SDK1: variants seen among roughly 807,000 people sequenced by gnomAD.
The protein encoded by SDK1 is protein sidekick-1.
A neutral mutation model predicts 245.5 loss-of-function variants in SDK1; 157 were observed. That is an observed-to-expected ratio of 0.64 (90% confidence interval 0.56 to 0.73). The LOEUF is 0.73. SDK1 is among the 30% of genes least tolerant of loss of function. SDK1 has a pLI of 0.00. For missense variants in SDK1, 3,583 were observed against 3,002.3 expected (o/e 1.19, Z -4.52); for synonymous variants, 1,647 against 1,278.5 (o/e 1.29, Z -6.15).
intron 17 of SDK1, among the ~76,000 whole-genome samples, chr7:4,039,955 A>G (rs1036885350): frequency 6.6e-6 from 1 of 152,220 alleles, no homozygotes; most frequent in African/African-American, 2.4e-5. Context: ...ATACTAGCAA[A>G]TTAATTGAAT....
intron 1 of SDK1, among the ~76,000 whole-genome samples, chr7:3,582,711 G>T (rs556260427): frequency 6.2e-5 from 7 of 113,688 alleles, no homozygotes; most frequent in East Asian, 5.1e-4. Context: ...AAAAAAAAAG[G>T]TACCATCAGG....
intron 5 of SDK1, among the ~76,000 whole-genome samples, chr7:3,862,969 G>A (rs150518340): frequency 2.6e-5 from 4 of 152,312 alleles, no homozygotes; most frequent in African/African-American, 9.6e-5. Flanking sequence ...TGATCTGACA[G>A]GAGGGGGAGC....
intron 1 of SDK1, among the ~76,000 whole-genome samples, chr7:3,470,165 A>G (rs549626713): frequency 2.0e-5 from 3 of 152,294 alleles, no homozygotes; most frequent in Non-Finnish European, 2.9e-5. Context: ...TTGAATCTAC[A>G]TACTAAAAAT....
intron 2 of SDK1, among the ~76,000 whole-genome samples, chr7:3,622,603 A>G (rs1781978238): frequency 6.6e-6 from 1 of 152,250 alleles, no homozygotes; most frequent in African/African-American, 2.4e-5. Context: ...TTAAAACTGC[A>G]GGAAGAGGTG....
At chr7:3,408,631 T>C (rs1034982585) in intron 1 of SDK1, among the ~76,000 whole-genome samples, 2 of 152,352 alleles carry the variant, frequency 1.3e-5, no homozygotes, top group East Asian at 1.9e-4. Context: ...TGAACTGATA[T>C]TCTTTTTGGG....
chr7:3,388,752 A>G (rs1408688162), intron 1 of SDK1, among the ~76,000 whole-genome samples: 1 of 152,254 alleles, frequency 6.6e-6, no homozygotes, highest in East Asian at 1.9e-4. Context: ...ACTATATTAT[A>G]TTATGGGATG....
At chr7:3,776,806 G>A (rs1024655219) in intron 4 of SDK1, among the ~76,000 whole-genome samples, 6 of 151,954 alleles carry the variant, frequency 3.9e-5, no homozygotes, top group Admixed American at 3.9e-4. Context: ...ATTTAACAGA[G>A]ATTGACCTTG....
At chr7:3,644,748 G>C (rs1369281124) in intron 4 of SDK1, among the ~76,000 whole-genome samples, 2 of 131,614 alleles carry the variant, frequency 1.5e-5, no homozygotes, top group East Asian at 4.5e-4. Flanking sequence ...ACTCCAGCCT[G>C]GGTGACAGAG....
At chr7:3,444,050 C>T (rs775178063) in intron 1 of SDK1, among the ~76,000 whole-genome samples, 6 of 152,230 alleles carry the variant, frequency 3.9e-5, no homozygotes, top group East Asian at 3.8e-4. Flanking sequence ...TTCCTGCCTG[C>T]GCCAGCTCTC....
At chr7:4,158,364 C>A in intron 30 of SDK1, 84 bp from the exon 31 acceptor site, 1 of 1,139,236 alleles carries the variant, frequency 8.8e-7, no homozygotes, top group Non-Finnish European at 1.3e-6. Flanking sequence ...GGATTTGCCC[C>A]TCTTCCCAGG....
chr7:4,076,121 G>A (rs2128176879), intron 20 of SDK1, among the ~76,000 whole-genome samples: 1 of 152,344 alleles, frequency 6.6e-6, no homozygotes, highest in East Asian at 1.9e-4. Context: ...ACACTCAGGT[G>A]AAAATAAACT....
chr7:3,640,399 A>G (rs923361888), intron 3 of SDK1, among the ~76,000 whole-genome samples: 1 of 152,206 alleles, frequency 6.6e-6, no homozygotes, highest in African/African-American at 2.4e-5. Flanking sequence ...TTATTTTACC[A>G]TAAGCCTAAT....
chr7:4,215,172 G>C (rs1784723908), intron 38 of SDK1, among the ~76,000 whole-genome samples: 1 of 152,216 alleles, frequency 6.6e-6, no homozygotes, highest in Non-Finnish European at 1.5e-5. Context: ...TACGTCAAAA[G>C]AAGAACGTGG....
intron 4 of SDK1, among the ~76,000 whole-genome samples, chr7:3,757,942 C>A (rs971362312): frequency 6.6e-6 from 1 of 152,116 alleles, no homozygotes; most frequent in Admixed American, 6.5e-5. Context: ...CTTGTTAGAA[C>A]AAAAGACTCC....
chr7:3,902,380 A>C (rs934636978), intron 5 of SDK1, among the ~76,000 whole-genome samples: 1 of 152,180 alleles, frequency 6.6e-6, no homozygotes, highest in Non-Finnish European at 1.5e-5. Flanking sequence ...TACAATTCAC[A>C]CAAAATTGTT....
chr7:3,451,648 G>A (rs1306834668), intron 1 of SDK1, among the ~76,000 whole-genome samples: 2 of 152,148 alleles, frequency 1.3e-5, no homozygotes, highest in Non-Finnish European at 2.9e-5. Flanking sequence ...AGGACTGAGT[G>A]ATTTACTGAA....
chr7:3,925,312 G>A (rs373879047), intron 5 of SDK1, among the ~76,000 whole-genome samples: 2 of 152,210 alleles, frequency 1.3e-5, no homozygotes, highest in Non-Finnish European at 2.9e-5. Flanking sequence ...AAAAAGAAGC[G>A]AGGAGGAGAA....
At chr7:3,699,671 A>G (rs966813462) in intron 4 of SDK1, among the ~76,000 whole-genome samples, 1 of 152,222 alleles carries the variant, frequency 6.6e-6, no homozygotes, top group East Asian at 1.9e-4. Context: ...TCATGTTTGT[A>G]TAGTCAGTAT....
intron 4 of SDK1, among the ~76,000 whole-genome samples, chr7:3,789,086 C>A (rs1487708083): frequency 6.6e-6 from 1 of 152,144 alleles, no homozygotes; most frequent in Admixed American, 6.5e-5. Context: ...AGGATACAGC[C>A]TGAAAGAATG....
Sources: allele counts gnomAD v4.1 joint callset (sites outside exome capture counted in the v4.1 genomes callset), GRCh38; gene constraint gnomAD v4.1.1; transcripts MANE v1.5; gene names NCBI Gene and HGNC (gene_info 2026-07-23, HGNC 2026-07-21).